The following PIGU variants were observed in gnomAD, a reference collection of about 807,000 sequenced individuals.
The protein encoded by PIGU is phosphatidylinositol glycan anchor biosynthesis class U.
A neutral mutation model predicts 49.9 loss-of-function variants in PIGU; 24 were observed. The observed-to-expected ratio is 0.48, with a 90% confidence interval of 0.35 to 0.68. PIGU has a LOEUF of 0.68. PIGU is among the 30% of genes least tolerant of loss of function. The pLI, the probability that PIGU is intolerant of heterozygous loss-of-function variation, is 0.01. For synonymous variants in PIGU, 220 were observed against 205.7 expected (o/e 1.07, Z -0.59); for missense variants, 490 against 532.6 (o/e 0.92, Z 0.79).
chr20:34,593,985 T>C (rs1435147574), intron 7 of PIGU, among the ~76,000 whole-genome samples: 1 of 152,164 alleles, frequency 6.6e-6, no homozygotes, highest in Non-Finnish European at 1.5e-5. Flanking sequence ...AAGACCAGCC[T>C]GGGCAACATA....
intron 1 of PIGU, among the ~76,000 whole-genome samples, chr20:34,660,733 A>T (rs1015951942): frequency 2.6e-5 from 4 of 152,252 alleles, no homozygotes; most frequent in African/African-American, 9.6e-5. Context: ...AATTAAATTT[A>T]AAAAATTGTA....
In PIGU at chr20:34,649,523, A is replaced by AT. The variant is rs113251878; in HGVS notation, c.196-4190dup. ...AATCTGCTGCTAAATTCATCTATAC[A>AT]TTTTTTTTTTTTTTTGAGACGGAGT... is the stretch of plus-strand genomic sequence containing the variant. On this transcript the variant is annotated intron_variant, in intron 2 of 11. Transcript: ENST00000217446. 9.1e-3 allele frequency among the ~76,000 whole-genome samples: 1,233 copies of AT among 136,094 alleles called. 16 individuals are homozygous for AT. The highest frequency in any genetic ancestry group is 0.028 in the African/African-American group (1,025 of 37,018). The allele number at this position is 136,094 out of a possible 152,430, so 89.3% of individuals were successfully genotyped here.
At chr20:34,610,623 A>G (rs1309307240) in intron 7 of PIGU, among the ~76,000 whole-genome samples, 3 of 152,236 alleles carry the variant, frequency 2.0e-5, no homozygotes, top group Non-Finnish European at 2.9e-5. Context: ...GAAAATGGTC[A>G]TACTGCCCAA....
intron 5 of PIGU, among the ~76,000 whole-genome samples, chr20:34,636,291 C>T (rs1283350948): frequency 6.6e-6 from 1 of 151,832 alleles, no homozygotes; most frequent in Non-Finnish European, 1.5e-5. Flanking sequence ...GCCTGTAATC[C>T]CAGCACTTTG....
At chr20:34,583,248 C>T (rs1254542651) in intron 9 of PIGU, among the ~76,000 whole-genome samples, 2 of 152,220 alleles carry the variant, frequency 1.3e-5, no homozygotes, top group African/African-American at 4.8e-5. Context: ...AAACACAATC[C>T]ACATCACTGG....
At chr20:34,588,428 A>T (rs1983789674) in intron 8 of PIGU, 25 bp downstream of exon 8, 1 of 1,600,406 alleles carries the variant, frequency 6.2e-7, no homozygotes, top group African/African-American at 1.3e-5. Context: ...AGCTTCTAGA[A>T]TTTTCTAACG....
intron 7 of PIGU, among the ~76,000 whole-genome samples, chr20:34,601,878 TTTTA>T (rs1294587886): frequency 1.3e-5 from 2 of 152,366 alleles, no homozygotes; most frequent in African/African-American, 4.8e-5. Context: ...TGTCTCTATA[TTTTA>T]TTTGACTTCA....
chr20:34,663,533 G>A (rs1986991558), intron 1 of PIGU, among the ~76,000 whole-genome samples: 1 of 152,066 alleles, frequency 6.6e-6, no homozygotes, highest in Non-Finnish European at 1.5e-5. Context: ...TATTTGTAAG[G>A]AGTGGGCTAT....
intron 1 of PIGU, among the ~76,000 whole-genome samples, chr20:34,663,181 A>C (rs1006764723): frequency 9.2e-5 from 14 of 152,218 alleles, no homozygotes; most frequent in Admixed American, 9.2e-4. Flanking sequence ...GTGGGATTAC[A>C]GGCGTGAGCC....
chr20:34,650,013 T>C (rs939549943), intron 2 of PIGU, among the ~76,000 whole-genome samples: 1 of 151,664 alleles, frequency 6.6e-6, no homozygotes, highest in African/African-American at 2.4e-5. Flanking sequence ...CATGCCTGGC[T>C]ACTTTTTTGT....
chr20:34,608,531 T>G (rs1367188244), intron 7 of PIGU, among the ~76,000 whole-genome samples: 1 of 152,216 alleles, frequency 6.6e-6, no homozygotes, highest in African/African-American at 2.4e-5. Context: ...TTTGCTTTTT[T>G]TTGTTGTTGT....
chr20:34,639,794 C>T (rs572191362), intron 4 of PIGU, among the ~76,000 whole-genome samples: 1 of 152,238 alleles, frequency 6.6e-6, no homozygotes, highest in African/African-American at 2.4e-5. Flanking sequence ...TGGCAGAGTC[C>T]AAGTTAAGCG....
chr20:34,609,449 C>T (rs1412264230), intron 7 of PIGU, among the ~76,000 whole-genome samples: 1 of 152,198 alleles, frequency 6.6e-6, no homozygotes, highest in Non-Finnish European at 1.5e-5. Context: ...ACTGCAACCT[C>T]CACCTTCCGC....
intron 6 of PIGU, among the ~76,000 whole-genome samples, chr20:34,631,293 A>G (rs960339362): frequency 1.3e-5 from 2 of 152,070 alleles, no homozygotes; most frequent in Non-Finnish European, 2.9e-5. Flanking sequence ...TGGGAAAAAC[A>G]ATAGAAAATA....
intron 6 of PIGU, among the ~76,000 whole-genome samples, chr20:34,623,646 A>G (rs1443579766): frequency 6.6e-6 from 1 of 152,180 alleles, no homozygotes; most frequent in Non-Finnish European, 1.5e-5. Flanking sequence ...CTTGATCTCA[A>G]TCAAGCACCA....
chr20:34,578,586 G>A (rs372877693), intron 10 of PIGU, among the ~76,000 whole-genome samples: 1 of 152,192 alleles, frequency 6.6e-6, no homozygotes, highest in Non-Finnish European at 1.5e-5. Context: ...GCAAAGAGAC[G>A]AGAGAAGCTC....
intron 7 of PIGU, among the ~76,000 whole-genome samples, chr20:34,589,971 A>C (rs1425671549): frequency 6.6e-6 from 1 of 152,096 alleles, no homozygotes; most frequent in Non-Finnish European, 1.5e-5. Flanking sequence ...TATTTTATTA[A>C]GTATGACAAC....
intron 2 of PIGU, among the ~76,000 whole-genome samples, chr20:34,649,827 G>C (rs1986471160): frequency 6.8e-6 from 1 of 147,834 alleles, no homozygotes; most frequent in South Asian, 2.2e-4. Context: ...GAGCCACTGT[G>C]CCCGGTCCAT....
intron 1 of PIGU, among the ~76,000 whole-genome samples, chr20:34,668,329 G>A (rs1987168452): frequency 6.6e-6 from 1 of 151,866 alleles, no homozygotes; most frequent in South Asian, 2.1e-4. Context: ...TGGCATGGTG[G>A]CAGGGACCTA....
Sources: allele counts gnomAD v4.1 joint callset (sites outside exome capture counted in the v4.1 genomes callset), GRCh38; gene constraint gnomAD v4.1.1; transcripts MANE v1.5; gene names NCBI Gene and HGNC (gene_info 2026-07-23, HGNC 2026-07-21).